ANO3: variants seen among roughly 807,000 people sequenced by gnomAD.
ANO3 encodes the protein anoctamin-3.
In ANO3, 99 loss-of-function variants were observed where a neutral mutation model predicts 144.8. That is an observed-to-expected ratio of 0.68 (90% CI 0.58 to 0.81). ANO3 has a LOEUF of 0.81. ANO3 is among the 30% of genes least tolerant of loss of function. ANO3 has a pLI of 0.00. For missense variants in ANO3, 905 were observed against 1,202.2 expected (o/e 0.75, Z 3.66); for synonymous variants, 414 against 392.6 (o/e 1.05, Z -0.64).
upstream of ANO3, among the ~76,000 whole-genome samples, chr11:26,308,174 A>G: frequency 6.6e-6 from 1 of 152,214 alleles, no homozygotes; most frequent in East Asian, 1.9e-4. Context: ...CTGCAAAGAC[A>G]CAAAAGTGTT....
At position 26,523,507 on chromosome 11, in the gene ANO3, C is replaced by T. The variant is rs1389574056; in HGVS notation, c.693-2128C>T. On this transcript the variant is annotated intron_variant, in intron 6 of 26. Coordinates refer to ENST00000256737, the MANE Select transcript of ANO3 (RefSeq NM_031418.4). ...CATTTTAAAAAGACGGCTCCTAAATCCTGACAAAAGGCCCATCGCATTTTC... is the reference window on the plus strand; with the variant it reads ...CATTTTAAAAAGACGGCTCCTAAATTCTGACAAAAGGCCCATCGCATTTTC... 2.0e-5 allele frequency among the ~76,000 whole-genome samples: 3 copies of T among 152,292 alleles called. No individual in the cohort carries two copies. The East Asian group carries it at 5.8e-4, about 29-fold the overall frequency.
intron 1 of ANO3, among the ~76,000 whole-genome samples, chr11:26,296,581 A>G (rs998215423): frequency 2.0e-5 from 3 of 152,140 alleles, no homozygotes; most frequent in African/African-American, 7.2e-5. Context: ...TACTGAGGTT[A>G]GGGGTTAGGA....
chr11:26,442,208 G>C, intron 2 of ANO3, 96 bp downstream of exon 2: 1 of 1,224,890 alleles, frequency 8.2e-7, no homozygotes, highest in East Asian at 2.3e-5. Context: ...CAGTTTTATA[G>C]AGCTCTTCAG....
At chr11:26,596,232 G>T (rs1851624670) in intron 14 of ANO3, among the ~76,000 whole-genome samples, 1 of 151,306 alleles carries the variant, frequency 6.6e-6, no homozygotes, top group Non-Finnish European at 1.5e-5. Context: ...CTCATCTTTT[G>T]TCTCTGTTTC....
At chr11:26,217,342 T>C (rs1017288631) in intron 1 of ANO3, among the ~76,000 whole-genome samples, 1 of 152,042 alleles carries the variant, frequency 6.6e-6, no homozygotes, top group African/African-American at 2.4e-5. Context: ...CATCTATCAA[T>C]CTCTATCCCT....
chr11:26,620,418 T>C (rs560444655), intron 17 of ANO3, among the ~76,000 whole-genome samples: 1,536 of 135,838 alleles, frequency 0.011, 39 homozygotes, highest in African/African-American at 0.038. Context: ...TTCAGCATGG[T>C]GAAATTTTAA....
chr11:26,353,571 G>A (rs891230864), intron 1 of ANO3, among the ~76,000 whole-genome samples: 2 of 151,378 alleles, frequency 1.3e-5, no homozygotes, highest in South Asian at 2.1e-4. Context: ...TCTTCCCTTC[G>A]TTCCTTCCTT....
intron 5 of ANO3, among the ~76,000 whole-genome samples, chr11:26,509,994 C>T (rs946798630): frequency 6.6e-6 from 1 of 151,732 alleles, no homozygotes; most frequent in East Asian, 1.9e-4. Flanking sequence ...AGTAGCTGGT[C>T]GTGGTGGCGC....
chr11:26,336,743 GA>G (rs66460589), intron 1 of ANO3, among the ~76,000 whole-genome samples: 5 of 151,210 alleles, frequency 3.3e-5, no homozygotes, highest in African/African-American at 7.3e-5. Context: ...AGAGAAATAA[GA>G]AAAAAAAACT....
At chr11:26,652,818 T>C (rs895451231) in intron 24 of ANO3, among the ~76,000 whole-genome samples, 10 of 152,224 alleles carry the variant, frequency 6.6e-5, no homozygotes, top group Admixed American at 6.5e-5. Context: ...CATGGCTCCG[T>C]TGAGATGTCA....
intron 14 of ANO3, among the ~76,000 whole-genome samples, chr11:26,581,935 T>A (rs1851146184): frequency 6.6e-6 from 1 of 151,996 alleles, no homozygotes; most frequent in Non-Finnish European, 1.5e-5. Context: ...GTTAAGAAAA[T>A]TGGTTATTAT....
At chr11:26,345,440 C>T (rs530887587) in intron 1 of ANO3, among the ~76,000 whole-genome samples, 2 of 152,294 alleles carry the variant, frequency 1.3e-5, no homozygotes, top group South Asian at 4.1e-4. Context: ...GTAGTCCCAG[C>T]TACCTGGGAG....
rs529345009 is a variant in ANO3, at chr11:26,469,438, A to G, written c.432+6290A>G. On this transcript the variant is annotated intron_variant, in intron 4 of 26. Coordinates refer to ENST00000256737, the MANE Select transcript of ANO3 (RefSeq NM_031418.4). ...AAAACATTCAAATGTTCTCACAACA[A>G]CTAGTCAATTATTTGGAAAGAGTTA... Among the ~76,000 whole-genome samples, 269 of 152,108 alleles carry G rather than the reference A, an allele frequency of 1.8e-3. 1 individual carries two copies. The highest frequency in any genetic ancestry group is 3.5e-3 in the Admixed American group (54 of 15,248).
chr11:26,551,643 C>T (rs535199490), intron 12 of ANO3, among the ~76,000 whole-genome samples: 14 of 151,926 alleles, frequency 9.2e-5, no homozygotes, highest in Non-Finnish European at 1.9e-4. Context: ...AACTTCAATA[C>T]CTTTTTAGTA....
intron 1 of ANO3, among the ~76,000 whole-genome samples, chr11:26,341,362 T>C (rs916793574): frequency 6.6e-6 from 1 of 152,212 alleles, no homozygotes. Context: ...AAAGATATTA[T>C]GTCATAAAAA....
At chr11:26,313,133 G>A (rs544903751) in intron 1 of ANO3, among the ~76,000 whole-genome samples, 19 of 152,154 alleles carry the variant, frequency 1.2e-4, no homozygotes, top group Non-Finnish European at 2.6e-4. Context: ...CTAGCATATC[G>A]ATGCAAAATA....
intron 4 of ANO3, among the ~76,000 whole-genome samples, chr11:26,495,549 T>C (rs992214634): frequency 6.6e-6 from 1 of 152,204 alleles, no homozygotes; most frequent in African/African-American, 2.4e-5. Context: ...ATTTGTACTC[T>C]GAGTAGATGA....
At chr11:26,293,190 G>A (rs187620503) in intron 1 of ANO3, among the ~76,000 whole-genome samples, 1 of 152,112 alleles carries the variant, frequency 6.6e-6, no homozygotes, top group East Asian at 1.9e-4. Flanking sequence ...ACAGGCCATC[G>A]ATGAAAACAT....
chr11:26,254,215 A>G (rs1171158177), intron 1 of ANO3, among the ~76,000 whole-genome samples: 1 of 152,182 alleles, frequency 6.6e-6, no homozygotes, highest in Admixed American at 6.6e-5. Context: ...TGTGCACTAA[A>G]GTAAAGACTA....
Sources: allele counts gnomAD v4.1 joint callset (sites outside exome capture counted in the v4.1 genomes callset), GRCh38; gene constraint gnomAD v4.1.1; transcripts MANE v1.5; gene names NCBI Gene and HGNC (gene_info 2026-07-23, HGNC 2026-07-21).